Variants in ENOX1 observed in about 807,000 individuals in gnomAD.
ENOX1 encodes the protein candidate growth-related and time keeping constitutive hydroquinone (NADH) oxidase.
In ENOX1, 42 loss-of-function variants were observed where a neutral mutation model predicts 82.5. The observed-to-expected ratio is 0.51, with a 90% confidence interval of 0.40 to 0.66. ENOX1 has a LOEUF of 0.66. Among genes scored for constraint, ENOX1 ranks in the 30% least tolerant of loss-of-function variants. The probability of loss-of-function intolerance (pLI) is 0.00; values close to 1 mark genes in which losing one functional copy is unlikely to be tolerated. For synonymous variants in ENOX1, 271 were observed against 282.2 expected, an observed-to-expected ratio of 0.96 and a Z score of 0.40; for missense variants, 608 against 811.6, an observed-to-expected ratio of 0.75 and a Z score of 3.05.
intron 1 of ENOX1, among the ~76,000 whole-genome samples, chr13:43,703,437 T>A (rs550691951): frequency 6.6e-6 from 1 of 152,338 alleles, no homozygotes; most frequent in East Asian, 1.9e-4. Context: ...GAGTGAAGAC[T>A]GCTTTTCGGG....
intron 2 of ENOX1, among the ~76,000 whole-genome samples, chr13:43,556,171 T>G (rs1566519183): frequency 6.6e-6 from 1 of 152,094 alleles, no homozygotes; most frequent in Non-Finnish European, 1.5e-5. Context: ...GCTCCCATTC[T>G]CTTTGATGCT....
At chr13:43,291,401 T>G (rs762710141) in intron 12 of ENOX1, among the ~76,000 whole-genome samples, 3 of 152,240 alleles carry the variant, frequency 2.0e-5, no homozygotes, top group Non-Finnish European at 4.4e-5. Context: ...CTTTGTTCCA[T>G]ATTTCAACCT....
intron 1 of ENOX1, among the ~76,000 whole-genome samples, chr13:43,677,876 TTTTA>T (rs1234655481): frequency 1.3e-5 from 2 of 152,150 alleles, no homozygotes; most frequent in Admixed American, 6.5e-5. Context: ...TTCTTGTTAT[TTTTA>T]TTTATTTTTA....
Position 43,236,748 on chromosome 13 carries a change from T to C in ENOX1, c.1612-10A>G, listed in dbSNP as rs1224003059. 3 of 1,540,674 alleles carry C rather than the reference T, an allele frequency of 1.9e-6. No individual in the cohort carries two copies. Among genetic ancestry groups the C allele is most frequent in the Admixed American group, 4.6e-5 (2 of 43,918 alleles). On this transcript the variant is annotated splice_polypyrimidine_tract_variant and intron_variant, in intron 14 of 16. Coordinates refer to ENST00000690772, the MANE Select transcript of ENOX1 (RefSeq NM_001347969.2). Reference sequence around the variant, plus strand: ...TCAACACATTGATTTCCTATAAAGTTAAAAGCCAAAAACCATATATGGGTT... The same window carrying C: ...TCAACACATTGATTTCCTATAAAGTCAAAAGCCAAAAACCATATATGGGTT...
At chr13:43,564,310 G>A (rs954583984) in intron 2 of ENOX1, among the ~76,000 whole-genome samples, 18 of 151,724 alleles carry the variant, frequency 1.2e-4, no homozygotes, top group African/African-American at 3.9e-4. Flanking sequence ...CTTTCAAAAT[G>A]CCAATTACAT....
intron 13 of ENOX1, among the ~76,000 whole-genome samples, chr13:43,265,724 T>C (rs1281628892): frequency 6.6e-6 from 1 of 152,224 alleles, no homozygotes; most frequent in Non-Finnish European, 1.5e-5. Context: ...TCCATAGGCA[T>C]AAAATGTATA....
At chr13:43,392,821 T>G (rs1197817783) in intron 5 of ENOX1, among the ~76,000 whole-genome samples, 2 of 152,258 alleles carry the variant, frequency 1.3e-5, no homozygotes, top group African/African-American at 4.8e-5. Flanking sequence ...TGTTTTTCTT[T>G]AAAAGCTACT....
chr13:43,615,859 T>G (rs1481855764), intron 2 of ENOX1, among the ~76,000 whole-genome samples: 1 of 151,840 alleles, frequency 6.6e-6, no homozygotes, highest in African/African-American at 2.4e-5. Flanking sequence ...TTTCTGTTCC[T>G]GTGTTAGTTT....
chr13:43,320,414 C>T (rs1380817709), intron 11 of ENOX1, among the ~76,000 whole-genome samples: 6 of 152,106 alleles, frequency 3.9e-5, no homozygotes, highest in Non-Finnish European at 8.8e-5. Context: ...AAAGTTCAGG[C>T]TCTACTTCAC....
At chr13:43,479,209 G>C (rs1313654716) in intron 3 of ENOX1, among the ~76,000 whole-genome samples, 2 of 152,120 alleles carry the variant, frequency 1.3e-5, no homozygotes, top group African/African-American at 4.8e-5. Flanking sequence ...GGAGAGAGCA[G>C]TTAGGCTGTA....
chr13:43,492,542 C>A (rs576051355), intron 2 of ENOX1, among the ~76,000 whole-genome samples: 10 of 152,272 alleles, frequency 6.6e-5, no homozygotes, highest in African/African-American at 2.2e-4. Context: ...TAAAACTTAA[C>A]CCCAGTGCAT....
chr13:43,618,129 A>G (rs976415383), intron 2 of ENOX1, among the ~76,000 whole-genome samples: 6 of 152,044 alleles, frequency 3.9e-5, no homozygotes, highest in Non-Finnish European at 8.8e-5. Context: ...ATTTGTCAGA[A>G]TGTATAGACT....
chr13:43,771,917 C>T (rs1026801595), intron 1 of ENOX1, among the ~76,000 whole-genome samples: 1 of 150,034 alleles, frequency 6.7e-6, no homozygotes, highest in Admixed American at 6.7e-5. Context: ...GGCGCGTCTG[C>T]CACCACGCCC....
chr13:43,424,220 CAT>C (rs2055153831), intron 3 of ENOX1, among the ~76,000 whole-genome samples: 1 of 152,208 alleles, frequency 6.6e-6, no homozygotes, highest in African/African-American at 2.4e-5. Flanking sequence ...TGTCTTCTTA[CAT>C]AAAGGAAATC....
At chr13:43,342,923 C>T (rs543036899) in intron 9 of ENOX1, among the ~76,000 whole-genome samples, 1 of 152,290 alleles carries the variant, frequency 6.6e-6, no homozygotes, top group East Asian at 1.9e-4. Flanking sequence ...TTAATAGGTG[C>T]CTCTTTCAAT....
chr13:43,623,030 C>T (rs999506105), intron 2 of ENOX1, among the ~76,000 whole-genome samples: 6 of 152,004 alleles, frequency 3.9e-5, no homozygotes, highest in Middle Eastern at 3.2e-3. Flanking sequence ...CAGGTTGTCA[C>T]GGAAGTGGGG....
chr13:43,277,500 G>A (rs1348122222), intron 12 of ENOX1, among the ~76,000 whole-genome samples: 1 of 152,210 alleles, frequency 6.6e-6, no homozygotes, highest in Non-Finnish European at 1.5e-5. Flanking sequence ...GAAAGCTCAA[G>A]TAAGTGTTTC....
chr13:43,782,199 G>A (rs1952312531), intron 1 of ENOX1, among the ~76,000 whole-genome samples: 1 of 152,178 alleles, frequency 6.6e-6, no homozygotes. Context: ...GAAAATAGGA[G>A]AGGGAAGTTA....
At chr13:43,281,821 G>A (rs1017597153) in intron 12 of ENOX1, among the ~76,000 whole-genome samples, 2 of 152,134 alleles carry the variant, frequency 1.3e-5, no homozygotes, top group South Asian at 2.1e-4. Context: ...GGGAGACCAC[G>A]TTTTTAGGGT....
Sources: gnomAD v4.1 joint callset for allele counts (sites outside exome capture counted in the v4.1 genomes callset) on GRCh38, gnomAD v4.1.1 for gene constraint, MANE v1.5 for transcripts, NCBI Gene and HGNC (gene_info 2026-07-23, HGNC 2026-07-21) for gene names.